Variants in CAMK1D observed in about 807,000 individuals in gnomAD.
CAMK1D encodes calcium/calmodulin-dependent protein kinase type 1D.
A neutral mutation model predicts 47.7 loss-of-function variants in CAMK1D; 9 were observed. That is an observed-to-expected ratio of 0.19 (90% confidence interval 0.11 to 0.33). CAMK1D has a LOEUF of 0.33. CAMK1D is among the 10% of genes least tolerant of loss of function. The pLI, the probability that CAMK1D is intolerant of heterozygous loss-of-function variation, is 1.00. For synonymous variants in CAMK1D, 184 were observed against 184.9 expected, an observed-to-expected ratio of 0.99 and a Z score of 0.04; for missense variants, 291 against 488.7, an observed-to-expected ratio of 0.60 and a Z score of 3.81.
At chr10:12,449,953 A>G (rs1375952406) in intron 1 of CAMK1D, among the ~76,000 whole-genome samples, 6 of 152,142 alleles carry the variant, frequency 3.9e-5, no homozygotes, top group Admixed American at 3.9e-4. Flanking sequence ...AGCCGAGATT[A>G]CACCACTGTA....
chr10:12,427,698 C>CTGTTT (rs1588474201), intron 1 of CAMK1D, among the ~76,000 whole-genome samples: 4 of 27,366 alleles, frequency 1.5e-4, no homozygotes, highest in Non-Finnish European at 3.3e-4. Flanking sequence ...ACTGAACTTA[C>CTGTTT]TGTTTTTTTT....
Position 12,538,299 on chromosome 10 carries a change from T to G in CAMK1D, c.93-14926T>G, listed in dbSNP as rs116606757. Reference sequence around the variant, plus strand: ...CTGAAGCATCCTGGTGGCTGACAGGTGATCTCTTTAGCTCTGTGACCCTCG... The same window carrying G: ...CTGAAGCATCCTGGTGGCTGACAGGGGATCTCTTTAGCTCTGTGACCCTCG... On this transcript the variant is annotated intron_variant, in intron 1 of 10. Transcript: ENST00000619168. Among the ~76,000 whole-genome samples the G allele has an allele frequency of 3.9e-3, 600 of 152,296 alleles. 3 individuals carry two copies. Among genetic ancestry groups the G allele is most frequent in the African/African-American group, 0.014 (583 of 41,552 alleles).
intron 1 of CAMK1D, among the ~76,000 whole-genome samples, chr10:12,511,462 T>C (rs918860388): frequency 5.3e-5 from 8 of 151,778 alleles, no homozygotes; most frequent in African/African-American, 1.2e-4. Flanking sequence ...AATAAACAAA[T>C]TGGTCAGGTG....
chr10:12,415,739 A>C (rs970731295), intron 1 of CAMK1D, among the ~76,000 whole-genome samples: 1 of 146,520 alleles, frequency 6.8e-6, no homozygotes, highest in Non-Finnish European at 1.5e-5. Flanking sequence ...AAGTGGATTA[A>C]AATTACGTTT....
Position 12,409,058 on chromosome 10 carries a change from T to C in CAMK1D, c.92+59148T>C, listed in dbSNP as rs191660165. On this transcript the variant is annotated intron_variant, in intron 1 of 10. Coordinates refer to ENST00000619168, the MANE Select transcript of CAMK1D (RefSeq NM_153498.4). ...TTTTAGTAGAGACGGAGTTTCGCCA[T>C]GTTGGCCAGGCTGGTTTTGAACTCC... 2.6e-5 allele frequency among the ~76,000 whole-genome samples: 4 copies of C among 152,208 alleles called. No homozygotes were observed. The East Asian group carries it at 7.7e-4, about 29-fold the overall frequency.
chr10:12,695,620 G>A (rs1009753435), intron 3 of CAMK1D, among the ~76,000 whole-genome samples: 3 of 152,164 alleles, frequency 2.0e-5, no homozygotes, highest in Non-Finnish European at 2.9e-5. Flanking sequence ...ATGCAGTGCC[G>A]TGAAAAAGTG....
At chr10:12,547,097 G>T (rs552271944) in intron 1 of CAMK1D, among the ~76,000 whole-genome samples, 1 of 152,172 alleles carries the variant, frequency 6.6e-6, no homozygotes, top group African/African-American at 2.4e-5. Context: ...AACCTTGGGG[G>T]CCCATTGATG....
At chr10:12,579,713 C>T (rs1184312353) in intron 2 of CAMK1D, among the ~76,000 whole-genome samples, 1 of 152,142 alleles carries the variant, frequency 6.6e-6, no homozygotes, top group African/African-American at 2.4e-5. Flanking sequence ...AACATGAAGC[C>T]TTCCGGACCA....
chr10:12,374,258 C>CAAAAAAAAAAAAAAAAA (rs56312810), intron 1 of CAMK1D, among the ~76,000 whole-genome samples: 6 of 91,716 alleles, frequency 6.5e-5, no homozygotes, highest in Admixed American at 1.3e-4. Flanking sequence ...GACTCTGTCT[C>CAAAAAAAAAAAAAAAAA]AAAAAAAAAA....
intron 6 of CAMK1D, among the ~76,000 whole-genome samples, chr10:12,813,192 T>A (rs118087750): frequency 0.015 from 2,349 of 152,338 alleles, 51 homozygotes; most frequent in East Asian, 0.11. Context: ...GGTAGTATTA[T>A]GATATTGTAG....
chr10:12,671,911 C>CTTTTT (rs773722384), intron 3 of CAMK1D, among the ~76,000 whole-genome samples: 2 of 98,918 alleles, frequency 2.0e-5, no homozygotes, highest in African/African-American at 3.8e-5. Context: ...TCACCTAATT[C>CTTTTT]TTTTTTTTTT....
chr10:12,785,914 G>A (rs1837704923), intron 5 of CAMK1D, among the ~76,000 whole-genome samples: 1 of 152,242 alleles, frequency 6.6e-6, no homozygotes, highest in Non-Finnish European at 1.5e-5. Flanking sequence ...CCCGATCACA[G>A]GAGGCGAGCA....
At chr10:12,380,816 AC>A (rs1310901745) in intron 1 of CAMK1D, among the ~76,000 whole-genome samples, 1 of 152,228 alleles carries the variant, frequency 6.6e-6, no homozygotes, top group Non-Finnish European at 1.5e-5. Flanking sequence ...AGATTGCACC[AC>A]TGCACTTCAG....
intron 2 of CAMK1D, among the ~76,000 whole-genome samples, chr10:12,591,559 G>A (rs1350800738): frequency 6.6e-6 from 1 of 152,154 alleles, no homozygotes; most frequent in African/African-American, 2.4e-5. Flanking sequence ...AAATAGCTTC[G>A]GCTTTTCTCA....
At chr10:12,673,796 G>A (rs1298805945) in intron 3 of CAMK1D, among the ~76,000 whole-genome samples, 3 of 152,140 alleles carry the variant, frequency 2.0e-5, no homozygotes, top group Non-Finnish European at 4.4e-5. Flanking sequence ...GAAAGCCCTG[G>A]ATATATCAGA....
At chr10:12,412,693 CAA>C (rs571912414) in intron 1 of CAMK1D, among the ~76,000 whole-genome samples, 3,196 of 45,062 alleles carry the variant, frequency 0.071, 70 homozygotes, top group East Asian at 0.11. Flanking sequence ...GAGACGCCAT[CAA>C]AAAAAAAAAA....
intron 3 of CAMK1D, among the ~76,000 whole-genome samples, chr10:12,703,509 G>T (rs1316273726): frequency 6.6e-6 from 1 of 152,202 alleles, no homozygotes; most frequent in Non-Finnish European, 1.5e-5. Flanking sequence ...CAGGCAATGA[G>T]GCATAGTTAA....
intron 3 of CAMK1D, among the ~76,000 whole-genome samples, chr10:12,748,606 G>A (rs1835789006): frequency 6.6e-6 from 1 of 152,214 alleles, no homozygotes; most frequent in Non-Finnish European, 1.5e-5. Flanking sequence ...CTCATCTGTT[G>A]AGAAGGACAG....
intron 1 of CAMK1D, among the ~76,000 whole-genome samples, chr10:12,538,903 A>G (rs1424548659): frequency 7.5e-4 from 110 of 145,856 alleles, no homozygotes; most frequent in Admixed American, 1.2e-3. Flanking sequence ...AAAAAAAAAA[A>G]AGAGAAAGGA....
Sources: gnomAD v4.1 joint callset for allele counts (sites outside exome capture counted in the v4.1 genomes callset) on GRCh38, gnomAD v4.1.1 for gene constraint, MANE v1.5 for transcripts, NCBI Gene and HGNC (gene_info 2026-07-23, HGNC 2026-07-21) for gene names.